Variants in REG1B observed in about 807,000 individuals in gnomAD.
REG1B encodes lithostathine-1-beta.
A neutral mutation model predicts 20.4 loss-of-function variants in REG1B; 21 were observed. The ratio of observed to expected loss-of-function variants is 1.03; its 90% CI spans 0.73 to 1.48. The LOEUF is 1.48. REG1B is among the 40% of genes most tolerant of loss of function. REG1B has a pLI of 0.00. For missense variants in REG1B, 247 were observed against 197.2 expected (o/e 1.25, Z -1.51); for synonymous variants, 82 against 73.4 (o/e 1.12, Z -0.60).
At chr2:79,087,504 A>G in intron 2 of REG1B, 45 bp downstream of exon 2, 3 of 1,442,138 alleles carry the variant, frequency 2.1e-6, no homozygotes, top group South Asian at 1.1e-5. Context: ...GATGGAGGGA[A>G]GAATTCAGAG....
In REG1B at chr2:79,087,583, C is replaced by A; in HGVS notation, c.30G>T (p.Leu10=). MAQTNSFFM[L]ISSLMFLSLS... ...GAGACAGGAACATCAGGGAGGAGAT[C>A]AGCATGAAGAACGAGTTGGTCTGAG... Residue 10 remains leucine, a synonymous_variant, in exon 2 of 6, where the codon CTG becomes CTT. Transcript: ENST00000305089. 2 of 1,613,880 alleles carry A rather than the reference C, an allele frequency of 1.2e-6. No individual in the cohort carries two copies. Among genetic ancestry groups the A allele is most frequent in the East Asian group, 2.2e-5 (1 of 44,862 alleles).
Position 79,085,247 on chromosome 2 carries a change from T to A in REG1B, c.470A>T (p.Lys157Met). Reference protein sequence around the residue: ...KKWKDESCEKKFSFVCKFKN With the variant: ...KKWKDESCEKMFSFVCKFKN ...TTTGAACTTGCAAACAAAGGAGAAC[T>A]TCTTCTCACAAGATTCATCCTTCCA... Residue 157 changes from lysine to methionine, a missense_variant, in exon 6 of 6, where the codon AAG becomes ATG. Coordinates refer to ENST00000305089, the MANE Select transcript of REG1B (RefSeq NM_006507.4). 6.2e-7 allele frequency: 1 copy of A among 1,613,518 alleles called. No homozygotes were observed. The highest frequency in any genetic ancestry group is 8.5e-7 in the Non-Finnish European group (1 of 1,179,472).
intron 4 of REG1B, 97 bp from the exon 5 acceptor site, chr2:79,085,700 C>A: frequency 2.9e-6 from 2 of 690,566 alleles, no homozygotes; most frequent in Non-Finnish European, 5.1e-6. Context: ...CAAGTTATAG[C>A]AGAAAGAATA....
chr2:79,086,082 A>G (rs1175468621), intron 4 of REG1B: 2 of 411,902 alleles, frequency 4.9e-6, no homozygotes, highest in Admixed American at 4.1e-5. Flanking sequence ...TCCAAGACAG[A>G]CAATAGCAAA....
At chr2:79,086,574 G>T in intron 3 of REG1B, 70 bp from the exon 4 acceptor site, 1 of 1,573,094 alleles carries the variant, frequency 6.4e-7, no homozygotes, top group Non-Finnish European at 8.7e-7. Flanking sequence ...ACCTTCCAGA[G>T]GATGTAACAG....
At chr2:79,086,626 G>A (rs1045051488) in intron 3 of REG1B, 122 bp from the exon 4 acceptor site, 2 of 1,373,818 alleles carry the variant, frequency 1.5e-6, no homozygotes, top group Non-Finnish European at 2.0e-6. Context: ...TGCTGTCACT[G>A]ACCACCAGCA....
chr2:79,087,784 A>G (rs942405696), intron 1 of REG1B, 126 bp from the exon 2 acceptor site: 2 of 561,260 alleles, frequency 3.6e-6, no homozygotes. Flanking sequence ...ACTCCCAGAT[A>G]TTTCTCTTTT....
At chr2:79,087,318 A>G (rs907928564) in intron 2 of REG1B, 1 of 570,734 alleles carries the variant, frequency 1.8e-6, no homozygotes, top group African/African-American at 1.9e-5. Flanking sequence ...AGATTCAATC[A>G]GATAAACTCA....
Position 79,086,490 on chromosome 2 carries a change from G to A in REG1B, c.198C>T (p.Asn66=), listed in dbSNP as rs1183252804. ...TWVDADLYCQ[N]MNSGNLVSVL... ...CAGACACCAGGTTGCCTGAATTCAT[G>A]TTCTGGCAATAGAGCTGTTGGAGAA... Residue 66 remains asparagine, a synonymous_variant, in exon 4 of 6, where the codon AAC becomes AAT. Coordinates refer to ENST00000305089, the MANE Select transcript of REG1B (RefSeq NM_006507.4). 10 of 1,613,694 alleles carry A rather than the reference G, an allele frequency of 6.2e-6. No homozygotes were observed. Among genetic ancestry groups the A allele is most frequent in the South Asian group, 2.2e-5 (2 of 91,052 alleles).
In REG1B at chr2:79,085,264, A is replaced by G. The variant is rs1672380345; in HGVS notation, c.453T>C (p.Asp151=). Residue 151 remains aspartate (D), a synonymous_variant, in exon 6 of 6, where the codon GAT becomes GAC. Coordinates refer to ENST00000305089, the MANE Select transcript of REG1B (RefSeq NM_006507.4). ...TSCSGFKKWK[D]ESCEKKFSFV... ...AGGAGAACTTCTTCTCACAAGATTCATCCTTCCATTTCTTGAATCCTATGG... is the reference window on the plus strand; with the variant it reads ...AGGAGAACTTCTTCTCACAAGATTCGTCCTTCCATTTCTTGAATCCTATGG... 3 of 1,613,100 alleles carry G rather than the reference A, an allele frequency of 1.9e-6. No homozygotes were observed. The highest frequency in any genetic ancestry group is 1.7e-4 in the Middle Eastern group (1 of 6,056).
chr2:79,087,724 C>A, intron 1 of REG1B, 66 bp from the exon 2 acceptor site: 9 of 955,896 alleles, frequency 9.4e-6, no homozygotes, highest in Non-Finnish European at 1.2e-5. Flanking sequence ...TTTCTAACAT[C>A]CTCTCCTCTC....
intron 1 of REG1B, 51 bp from the exon 2 acceptor site, chr2:79,087,709 T>C: frequency 8.5e-7 from 1 of 1,177,900 alleles, no homozygotes; most frequent in South Asian, 1.5e-5. Flanking sequence ...AGAGCACCTG[T>C]TATCTTTCTA....
intron 5 of REG1B, 25 bp from the exon 6 acceptor site, chr2:79,085,308 AC>A: frequency 1.3e-6 from 2 of 1,565,480 alleles, no homozygotes; most frequent in Non-Finnish European, 1.8e-6. Flanking sequence ...GAAGTGTCAG[AC>A]ATAGAGGATC....
rs145905447 is a variant in REG1B at position 79,085,584 on chromosome 2, C to T, written c.341G>A (p.Ser114Asn). 54 of 1,612,952 alleles carry T rather than the reference C, an allele frequency of 3.3e-5. No homozygotes were observed. The highest frequency in any genetic ancestry group is 4.4e-5 in the Non-Finnish European group (52 of 1,179,544). The change falls in exon 5 of 6, where the codon AGT becomes AAT. Residue 114 changes from serine (S) to asparagine (N), a missense_variant. By Grantham distance (46) the Ser-to-Asn change is conservative. Transcript: ENST00000305089. ...DPKKNRRWHWSSGSLVSYKSW... is the reference protein window; with the variant it reads ...DPKKNRRWHWNSGSLVSYKSW... ...CTTGTAGGAGACCAGGGACCCACTA[C>T]TCCAGTGCCAGCGGCGGTTCTAGAT...
Position 79,085,162 on chromosome 2 carries a change from T to C in REG1B, c.*54A>G. 7.6e-7 allele frequency: 1 copy of C among 1,315,876 alleles called. No individual in the cohort carries two copies. Among genetic ancestry groups the C allele is most frequent in the Non-Finnish European group, 1.1e-6 (1 of 908,934 alleles). 81.5% of individuals were successfully genotyped at this position (1,315,876 alleles called of 1,614,324 possible). A position where few individuals can be genotyped will look rare whatever the true frequency, so the allele number is the denominator to read the frequency against. On this transcript the variant is annotated 3_prime_UTR_variant, in exon 6 of 6. Coordinates refer to ENST00000305089, the MANE Select transcript of REG1B (RefSeq NM_006507.4). Reference sequence around the variant, plus strand: ...TTGGAGACATAGTCTAGTTTAATTTTTGACTTCATAGTAATTGCAGGACCA... The same window carrying C: ...TTGGAGACATAGTCTAGTTTAATTTCTGACTTCATAGTAATTGCAGGACCA...
intron 1 of REG1B, 69 bp downstream of exon 1, chr2:79,087,890 G>A: frequency 2.9e-6 from 1 of 347,126 alleles, no homozygotes; most frequent in Admixed American, 4.3e-5. Flanking sequence ...AAATCACCCT[G>A]TATCTACCTC....
At position 79,085,609 on chromosome 2, in the gene REG1B, T is replaced by G; in HGVS notation, c.322-6A>C. ...CTCCAGTGCCAGCGGCGGTTCTAGA[T>G]GGAGAAGGGCCAGAACAGGGGCCAT... On this transcript the variant is annotated splice_polypyrimidine_tract_variant and splice_region_variant and intron_variant, in intron 4 of 5. Coordinates refer to ENST00000305089, the MANE Select transcript of REG1B (RefSeq NM_006507.4). 1 of 1,598,860 alleles carries G rather than the reference T, an allele frequency of 6.3e-7. No individual in the cohort carries two copies. The highest frequency in any genetic ancestry group is 2.2e-5 in the East Asian group (1 of 44,768).
rs754704891 is a variant in REG1B at position 79,086,372 on chromosome 2, T to A, written c.316A>T (p.Lys106Ter). The A allele has an allele frequency of 1.9e-6, 3 of 1,613,942 alleles. No homozygotes were observed. In the African/African-American group the frequency reaches 4.0e-5, roughly 22 times the overall value. Reference protein sequence around the residue: ...SNVWIGLHDPKKNRRWHWSSG... With the variant: ...SNVWIGLHDP The stretch of plus-strand genomic sequence containing the variant: ...AGAGGTGGCTGCAGACTGACCTTTT[T>A]TGGGTCATGGAGGCCAATCCAGACA... The change falls in exon 4 of 6, where the codon AAA becomes TAA. Residue 106 changes from lysine (K) to a stop codon, truncating the protein, a stop_gained. Coordinates refer to ENST00000305089, the MANE Select transcript of REG1B (RefSeq NM_006507.4). LOFTEE classifies it high-confidence loss of function.
Position 79,085,136 on chromosome 2 carries a change from G to T in REG1B, c.*80C>A. The T allele has an allele frequency of 1.0e-6, 1 of 988,764 alleles. No homozygotes were observed. The highest frequency in any genetic ancestry group is 1.6e-6 in the Non-Finnish European group (1 of 616,976). 61.2% of individuals were successfully genotyped at this position (988,764 alleles called of 1,614,324 possible). A position where few individuals can be genotyped will look rare whatever the true frequency, so the allele number is the denominator to read the frequency against. On this transcript the variant is annotated 3_prime_UTR_variant, in exon 6 of 6. Coordinates refer to ENST00000305089, the MANE Select transcript of REG1B (RefSeq NM_006507.4). ...TTAGGGAGGAGATGGTCTGAACTGA[G>T]TTGGAGACATAGTCTAGTTTAATTT...
Sources: allele counts gnomAD v4.1 joint callset, GRCh38; gene constraint gnomAD v4.1.1; transcripts MANE v1.5; gene names NCBI Gene and HGNC (gene_info 2026-07-23, HGNC 2026-07-21).